Variants in SV2C observed in about 807,000 individuals in gnomAD.
SV2C encodes solute carrier family 22 member B3.
Under a neutral mutation model 79.7 loss-of-function variants are expected in SV2C, and 49 were observed. The ratio of observed to expected loss-of-function variants is 0.61; its 90% CI spans 0.49 to 0.78. The LOEUF (loss-of-function observed/expected upper bound fraction) is 0.78. Ranked by LOEUF, SV2C falls within the 30% of genes least tolerant of loss-of-function variation. SV2C has a pLI of 0.00. For missense variants in SV2C, 833 were observed against 912.9 expected, an observed-to-expected ratio of 0.91 and a Z score of 1.13; for synonymous variants, 334 against 333.2, an observed-to-expected ratio of 1.00 and a Z score of -0.03.
In SV2C at chr5:76,316,534, G is replaced by T. The variant is rs201357043; in HGVS notation, c.2001-8830G>T. On this transcript the variant is annotated intron_variant, in intron 12 of 12. Transcript: ENST00000502798. ...CAGGGCATGGTTATACGTGCACTTTGGTTCAATCAGATTGCTATCCTAATC... is the reference window on the plus strand; with the variant it reads ...CAGGGCATGGTTATACGTGCACTTTTGTTCAATCAGATTGCTATCCTAATC... Among the ~76,000 whole-genome samples the T allele has an allele frequency of 3.9e-5, 6 of 152,274 alleles. 1 individual carries two copies. The East Asian group carries it at 9.6e-4, about 24-fold the overall frequency.
chr5:75,952,383 A>C, the SV2C span, among the ~76,000 whole-genome samples: 3 of 150,724 alleles, frequency 2.0e-5, no homozygotes, highest in Non-Finnish European at 4.4e-5. Flanking sequence ...ATTTCTCAAC[A>C]TTCCATCTTC....
intron 1 of SV2C, chr5:76,084,114 G>A (rs1483372516): frequency 6.6e-6 from 1 of 152,322 alleles, no homozygotes; most frequent in African/African-American, 2.4e-5. Context: ...TGGCGTCTAA[G>A]AGAGAGCAAG....
intron 10 of SV2C, among the ~76,000 whole-genome samples, 194 bp from the exon 11 acceptor site, chr5:76,300,535 T>C (rs1747952600): frequency 6.6e-6 from 1 of 152,176 alleles, no homozygotes; most frequent in Admixed American, 6.5e-5. Context: ...ATCATTCACC[T>C]ACTTTATGAT....
chr5:76,048,964 AGAG>A, the SV2C span, among the ~76,000 whole-genome samples: 14 of 111,510 alleles, frequency 1.3e-4, 1 homozygote, highest in African/African-American at 4.8e-4. Flanking sequence ...AGAAAGAAAA[AGAG>A]AAAGAAAGAA....
rs915777162 is a variant in SV2C at position 76,188,894 on chromosome 5, C to T, written c.581-6025C>T. On this transcript the variant is annotated intron_variant, in intron 2 of 12. Coordinates refer to ENST00000502798, the MANE Select transcript of SV2C (RefSeq NM_014979.4). ...CAAGGGAAGACCACACTCAGCCAACCATTTTGGGGTTCCAGGAGCAGGGAC... is the reference window on the plus strand; with the variant it reads ...CAAGGGAAGACCACACTCAGCCAACTATTTTGGGGTTCCAGGAGCAGGGAC... Among the ~76,000 whole-genome samples the T allele has an allele frequency of 3.9e-5, 6 of 152,054 alleles. 1 individual carries two copies. The South Asian group carries it at 1.2e-3, about 32-fold the overall frequency.
At chr5:76,004,340 A>G in the SV2C span, among the ~76,000 whole-genome samples, 1 of 152,138 alleles carries the variant, frequency 6.6e-6, no homozygotes, top group Non-Finnish European at 1.5e-5. Flanking sequence ...CACACTGGCT[A>G]TGGATGTGTT....
chr5:76,084,462 C>T (rs1180643612), intron 1 of SV2C, among the ~76,000 whole-genome samples: 1 of 151,138 alleles, frequency 6.6e-6, no homozygotes, highest in Non-Finnish European at 1.5e-5. Flanking sequence ...GCTGGGCCCA[C>T]GGGGACTGCG....
intron 1 of SV2C, among the ~76,000 whole-genome samples, chr5:76,088,524 C>T (rs374496264): frequency 2.6e-5 from 4 of 152,096 alleles, no homozygotes; most frequent in South Asian, 2.1e-4. Context: ...CTCCCTTCAG[C>T]GTCTTTGATA....
the SV2C span, among the ~76,000 whole-genome samples, chr5:75,875,817 TA>T: frequency 0.032 from 4,796 of 151,584 alleles, 193 homozygotes; most frequent in African/African-American, 0.097. Flanking sequence ...CAAGCATATA[TA>T]AAAAAAAGCT....
chr5:76,213,516 A>G (rs1190162135), intron 4 of SV2C, among the ~76,000 whole-genome samples: 1 of 152,200 alleles, frequency 6.6e-6, no homozygotes, highest in Non-Finnish European at 1.5e-5. Context: ...GAAAACACTC[A>G]TGCTTGGATT....
At position 76,243,043 on chromosome 5, in the gene SV2C, CAAAA is replaced by C. The variant is rs1355587275; in HGVS notation, c.913+33158_913+33161del. Among the ~76,000 whole-genome samples the C allele has an allele frequency of 4.3e-3, 361 of 84,684 alleles. 2 individuals are homozygous for C. Among genetic ancestry groups the C allele is most frequent in the African/African-American group, 0.015 (333 of 22,086 alleles). The allele number at this position is 84,684 out of a possible 152,430, so 55.6% of individuals were successfully genotyped here. A position where few individuals can be genotyped will look rare whatever the true frequency, so the allele number is the denominator to read the frequency against. On this transcript the variant is annotated intron_variant, in intron 4 of 12. Coordinates refer to ENST00000502798, the MANE Select transcript of SV2C (RefSeq NM_014979.4). ...AAAAAAAAAAAAAAAAAAAAAAAGA[CAAAA>C]AGAAAAGAAAGAAAGAAAACGAAGA...
chr5:76,163,753 A>C (rs1478040710), intron 2 of SV2C, among the ~76,000 whole-genome samples: 1 of 152,248 alleles, frequency 6.6e-6, no homozygotes, highest in East Asian at 1.9e-4. Flanking sequence ...ATCATTATAA[A>C]TGTTCTACTC....
At chr5:75,878,821 A>T in the SV2C span, among the ~76,000 whole-genome samples, 1 of 152,108 alleles carries the variant, frequency 6.6e-6, no homozygotes. Flanking sequence ...TTGCATTGCT[A>T]TAAAACATAT....
At chr5:75,949,467 C>T in the SV2C span, among the ~76,000 whole-genome samples, 1 of 151,894 alleles carries the variant, frequency 6.6e-6, no homozygotes, top group East Asian at 1.9e-4. Flanking sequence ...AGAGATGGTG[C>T]TATGGTTTTG....
At chr5:76,144,281 TGA>T (rs1749351519) in intron 2 of SV2C, among the ~76,000 whole-genome samples, 1 of 51,208 alleles carries the variant, frequency 2.0e-5, no homozygotes, top group Non-Finnish European at 8.8e-5. Flanking sequence ...ACAGTGAAGC[TGA>T]CAGCTGAGAA....
chr5:75,961,529 C>G, the SV2C span, among the ~76,000 whole-genome samples: 16 of 151,620 alleles, frequency 1.1e-4, no homozygotes, highest in African/African-American at 2.4e-5. Flanking sequence ...ATTTTGTTTT[C>G]AAAAATGTTA....
chr5:75,932,341 C>T, the SV2C span, among the ~76,000 whole-genome samples: 1 of 152,214 alleles, frequency 6.6e-6, no homozygotes, highest in Non-Finnish European at 1.5e-5. Flanking sequence ...CCACTCAGTT[C>T]ATGTCTTGCT....
the SV2C span, among the ~76,000 whole-genome samples, chr5:75,968,307 C>T: frequency 2.6e-5 from 4 of 152,170 alleles, no homozygotes; most frequent in Admixed American, 2.0e-4. Flanking sequence ...TCACCAGCAA[C>T]TGAACAAAGC....
the SV2C span, among the ~76,000 whole-genome samples, chr5:75,906,831 C>A: frequency 1.3e-5 from 2 of 152,140 alleles, no homozygotes; most frequent in Non-Finnish European, 2.9e-5. Flanking sequence ...CACCCCACCC[C>A]CATGGAAATT....
Sources: allele counts gnomAD v4.1 joint callset (sites outside exome capture counted in the v4.1 genomes callset), GRCh38; gene constraint gnomAD v4.1.1; transcripts MANE v1.5; gene names NCBI Gene and HGNC (gene_info 2026-07-23, HGNC 2026-07-21).